NOS1AP: variants seen among roughly 807,000 people sequenced by gnomAD.
The protein encoded by NOS1AP is nitric oxide synthase 1 adaptor protein.
NOS1AP carries 21 observed loss-of-function variants against 56.2 expected under a neutral mutation model. The ratio of observed to expected loss-of-function variants is 0.37; its 90% CI spans 0.26 to 0.54. The LOEUF (loss-of-function observed/expected upper bound fraction) is 0.54. Ranked by LOEUF, NOS1AP falls within the 20% of genes least tolerant of loss-of-function variation. NOS1AP has a pLI of 0.84. For synonymous variants in NOS1AP, 270 were observed against 274.6 expected, an observed-to-expected ratio of 0.98 and a Z score of 0.17; for missense variants, 522 against 657.8, an observed-to-expected ratio of 0.79 and a Z score of 2.26.
intron 2 of NOS1AP, among the ~76,000 whole-genome samples, chr1:162,243,771 G>A (rs1653573821): frequency 6.6e-6 from 1 of 152,160 alleles, no homozygotes; most frequent in Non-Finnish European, 1.5e-5. Flanking sequence ...TGAGATGTTG[G>A]CTGTCTGTTC....
intron 2 of NOS1AP, among the ~76,000 whole-genome samples, chr1:162,229,390 T>C (rs1266285164): frequency 6.6e-6 from 1 of 152,250 alleles, no homozygotes; most frequent in Non-Finnish European, 1.5e-5. Context: ...TTGTTTTCTT[T>C]ACATGTTTTC....
chr1:162,356,127 C>T (rs950969892), intron 7 of NOS1AP, among the ~76,000 whole-genome samples: 2 of 152,298 alleles, frequency 1.3e-5, no homozygotes, highest in South Asian at 4.1e-4. Flanking sequence ...AGCTGCCTGA[C>T]GTTTCCTTTG....
intron 4 of NOS1AP, among the ~76,000 whole-genome samples, chr1:162,332,209 G>A (rs1275804940): frequency 6.6e-6 from 1 of 152,064 alleles, no homozygotes; most frequent in Non-Finnish European, 1.5e-5. Context: ...CCATGGTTTG[G>A]CCCAGGTGTC....
At chr1:162,070,628 T>C (rs113872533) in intron 1 of NOS1AP, among the ~76,000 whole-genome samples, 1 of 152,196 alleles carries the variant, frequency 6.6e-6, no homozygotes, top group African/African-American at 2.4e-5. Context: ...CCTGGTCGTT[T>C]AGAATCGGTT....
At position 162,180,931 on chromosome 1, in the gene NOS1AP, A is replaced by G. The variant is rs191625729; in HGVS notation, c.177+26455A>G. ...ATTATTATGCAGCAAGTAGAAAACT[A>G]AAACATTCCCTGTTCAGTCATCCTC... is the stretch of plus-strand genomic sequence containing the variant. On this transcript the variant is annotated intron_variant, in intron 2 of 9. Coordinates refer to ENST00000361897, the MANE Select transcript of NOS1AP (RefSeq NM_014697.3). Among the ~76,000 whole-genome samples, 23 of 152,352 alleles carry G rather than the reference A, an allele frequency of 1.5e-4. No homozygotes were observed. In the East Asian group the frequency reaches 4.4e-3, roughly 29 times the overall value.
chr1:162,209,652 C>A lies in NOS1AP; in HGVS notation c.177+55176C>A, dbSNP rs139847128. Among the ~76,000 whole-genome samples the A allele has an allele frequency of 1.4e-3, 217 of 152,254 alleles. 1 individual carries two copies. Among genetic ancestry groups the A allele is most frequent in the Admixed American group, 8.0e-3 (123 of 15,294 alleles). The stretch of plus-strand genomic sequence containing the variant: ...TATTCTAAAGAACACTTTTTAAATA[C>A]TCATGGAAGAGAAATTGATTAGAGA... On this transcript the variant is annotated intron_variant, in intron 2 of 9. Transcript: ENST00000361897.
intron 5 of NOS1AP, among the ~76,000 whole-genome samples, chr1:162,340,982 G>A (rs1657091138): frequency 6.6e-6 from 1 of 152,042 alleles, no homozygotes; most frequent in African/African-American, 2.4e-5. Context: ...TTCTTAAGAT[G>A]CTCAGTTCTG....
At chr1:162,088,123 G>T (rs1181128923) in intron 1 of NOS1AP, among the ~76,000 whole-genome samples, 1 of 152,088 alleles carries the variant, frequency 6.6e-6, no homozygotes, top group Non-Finnish European at 1.5e-5. Context: ...TTGGATTTCT[G>T]TAGAAATTCA....
At chr1:162,102,692 A>G (rs1034252916) in intron 1 of NOS1AP, among the ~76,000 whole-genome samples, 21 of 151,962 alleles carry the variant, frequency 1.4e-4, no homozygotes, top group African/African-American at 4.1e-4. Context: ...GAATTTATCA[A>G]TTTCCTCTAG....
chr1:162,151,373 T>C (rs1026583201), intron 1 of NOS1AP, among the ~76,000 whole-genome samples: 3 of 152,256 alleles, frequency 2.0e-5, no homozygotes, highest in African/African-American at 7.2e-5. Context: ...TTCTGTAGCA[T>C]GTACATGTGC....
At chr1:162,092,803 T>C (rs1692163858) in intron 1 of NOS1AP, among the ~76,000 whole-genome samples, 1 of 152,176 alleles carries the variant, frequency 6.6e-6, no homozygotes, top group Non-Finnish European at 1.5e-5. Context: ...GATGAAATGG[T>C]AAGGAGGATT....
intron 3 of NOS1AP, among the ~76,000 whole-genome samples, chr1:162,299,880 T>A (rs1452761526): frequency 6.6e-6 from 1 of 152,158 alleles, no homozygotes; most frequent in Non-Finnish European, 1.5e-5. Context: ...CTAGTCCCGG[T>A]GGGGGCTTAA....
chr1:162,102,641 G>A (rs1206572878), intron 1 of NOS1AP, among the ~76,000 whole-genome samples: 1 of 152,076 alleles, frequency 6.6e-6, no homozygotes, highest in Non-Finnish European at 1.5e-5. Flanking sequence ...CAGGGATTCA[G>A]TTTCTTCCTG....
chr1:162,169,657 C>T (rs1307716908), intron 2 of NOS1AP, among the ~76,000 whole-genome samples: 1 of 152,184 alleles, frequency 6.6e-6, no homozygotes. Context: ...CTGGAGGGCT[C>T]CTGTTGTCCA....
At chr1:162,155,371 TAGAG>T (rs1195517161) in intron 2 of NOS1AP, among the ~76,000 whole-genome samples, 4 of 136,462 alleles carry the variant, frequency 2.9e-5, no homozygotes, top group Non-Finnish European at 4.6e-5. Context: ...TATATATATA[TAGAG>T]AGAGAGCTTA....
At chr1:162,348,922 A>G (rs1484516249) in intron 6 of NOS1AP, among the ~76,000 whole-genome samples, 1 of 152,250 alleles carries the variant, frequency 6.6e-6, no homozygotes, top group Non-Finnish European at 1.5e-5. Flanking sequence ...GCAGTGGCTC[A>G]TGCCTGTAAT....
chr1:162,187,091 G>C (rs10800336), intron 2 of NOS1AP, among the ~76,000 whole-genome samples: 70,828 of 151,700 alleles, frequency 0.47, 18,179 homozygotes, highest in East Asian at 0.75. Context: ...CTCAGCCCCC[G>C]AAGTAGCTGG....
chr1:162,216,067 G>A (rs2101651989), intron 2 of NOS1AP, among the ~76,000 whole-genome samples: 1 of 152,196 alleles, frequency 6.6e-6, no homozygotes, highest in African/African-American at 2.4e-5. Context: ...TTTATTTCCT[G>A]CTCCAACTGC....
At chr1:162,201,640 A>G (rs1051887152) in intron 2 of NOS1AP, among the ~76,000 whole-genome samples, 8 of 152,180 alleles carry the variant, frequency 5.3e-5, no homozygotes, top group African/African-American at 1.9e-4. Context: ...AGTAATAGCC[A>G]TTCTGACTGG....
Sources: gnomAD v4.1 joint callset for allele counts (sites outside exome capture counted in the v4.1 genomes callset) on GRCh38, gnomAD v4.1.1 for gene constraint, MANE v1.5 for transcripts, NCBI Gene and HGNC (gene_info 2026-07-23, HGNC 2026-07-21) for gene names.